The following SPATA18 variants were observed in gnomAD, a reference collection of about 807,000 sequenced individuals.
SPATA18 encodes the protein mitochondria-eating protein.
SPATA18 carries 54 observed loss-of-function variants against 68.1 expected under a neutral mutation model. The ratio of observed to expected loss-of-function variants is 0.79; its 90% CI spans 0.64 to 0.99. The LOEUF is 0.99. Among genes scored for constraint, SPATA18 ranks in the 50% least tolerant of loss-of-function variants. The pLI, the probability that SPATA18 is intolerant of heterozygous loss-of-function variation, is 0.00. For synonymous variants in SPATA18, 242 were observed against 244.8 expected (o/e 0.99, Z 0.11); for missense variants, 724 against 681.1 (o/e 1.06, Z -0.70).
chr4:52,062,112 C>T (rs1738909064), intron 3 of SPATA18, 108 bp from the exon 4 acceptor site: 5 of 652,086 alleles, frequency 7.7e-6, no homozygotes, highest in Non-Finnish European at 1.3e-5. Flanking sequence ...GTGCATGGAG[C>T]CGTGCATAAT....
At chr4:52,074,375 G>A (rs1358355776) in intron 6 of SPATA18, among the ~76,000 whole-genome samples, 2 of 152,178 alleles carry the variant, frequency 1.3e-5, no homozygotes, top group Non-Finnish European at 2.9e-5. Flanking sequence ...AAGGAAAGGG[G>A]CCTCATGACA....
chr4:52,078,174 G>A (rs1437511044), intron 7 of SPATA18, among the ~76,000 whole-genome samples: 3 of 150,962 alleles, frequency 2.0e-5, no homozygotes, highest in South Asian at 2.1e-4. Context: ...GTCTGGCTCC[G>A]TATTGAAAAA....
chr4:52,060,560 T>C lies in SPATA18; in HGVS notation c.193+36T>C, dbSNP rs776316460. On this transcript the variant is annotated intron_variant, in intron 2 of 12. Transcript: ENST00000295213. ...CCTGTAATTTCCCATCCAGTTCTGC[T>C]TGCCTTTCTCTCTTTTCTTGGTGCT... The C allele has an allele frequency of 1.0e-5, 16 of 1,586,476 alleles. No homozygotes were observed. The South Asian group carries it at 1.7e-4, about 17-fold the overall frequency.
intron 1 of SPATA18, among the ~76,000 whole-genome samples, chr4:52,054,610 A>G (rs867015614): frequency 6.6e-6 from 1 of 152,112 alleles, no homozygotes; most frequent in African/African-American, 2.4e-5. Flanking sequence ...ATGTATTACA[A>G]TTAGGCCCTA....
chr4:52,088,417 T>A (rs1741627390), intron 11 of SPATA18, among the ~76,000 whole-genome samples: 2 of 152,218 alleles, frequency 1.3e-5, no homozygotes, highest in South Asian at 4.1e-4. Flanking sequence ...GGATTTGTCA[T>A]AAATAGCTCT....
At chr4:52,070,413 A>G (rs1739704283) in intron 5 of SPATA18, among the ~76,000 whole-genome samples, 1 of 152,134 alleles carries the variant, frequency 6.6e-6, no homozygotes, top group African/African-American at 2.4e-5. Flanking sequence ...ATTTTTGTGG[A>G]AAAATATCAG....
At chr4:52,086,334 C>T (rs1266596982) in intron 11 of SPATA18, among the ~76,000 whole-genome samples, 5 of 152,134 alleles carry the variant, frequency 3.3e-5, no homozygotes, top group African/African-American at 1.2e-4. Flanking sequence ...TAGGTATACA[C>T]GTGCCCTGGT....
Position 52,060,372 on chromosome 4 carries a change from C to T in SPATA18, c.88-47C>T, listed in dbSNP as rs200396040. ...GGCCCTGGTCTGTCTGCAGTGGGTCCCAGAGTGAAGTAATTACCCTGGTTA... is the reference window on the plus strand; with the variant it reads ...GGCCCTGGTCTGTCTGCAGTGGGTCTCAGAGTGAAGTAATTACCCTGGTTA... On this transcript the variant is annotated intron_variant, in intron 1 of 12. Transcript: ENST00000295213. 5.4e-5 allele frequency: 83 copies of T among 1,533,812 alleles called. 2 individuals carry two copies. The Admixed American group carries it at 1.3e-3, about 24-fold the overall frequency.
chr4:52,060,471 T>A lies in SPATA18; in HGVS notation c.140T>A (p.Val47Asp). ...CATTGCCTTGAACTCATTGAGCAAG[T>A]TGCCAAGGTGCAGGGACAACTCTTT... ...LNHCLELIEQ[V>D]AKVQGQLFGI... Residue 47 changes from valine to aspartate, a missense_variant, in exon 2 of 13, where the codon GTT becomes GAT. By Grantham distance (152) the Val-to-Asp change is radical. Coordinates refer to ENST00000295213, the MANE Select transcript of SPATA18 (RefSeq NM_145263.4). 4 of 1,614,058 alleles carry A rather than the reference T, an allele frequency of 2.5e-6. No individual in the cohort carries two copies. Among genetic ancestry groups the A allele is most frequent in the Non-Finnish European group, 3.4e-6 (4 of 1,179,954 alleles).
At chr4:52,074,448 G>C (rs1333732037) in intron 6 of SPATA18, among the ~76,000 whole-genome samples, 1 of 151,364 alleles carries the variant, frequency 6.6e-6, no homozygotes, top group Non-Finnish European at 1.5e-5. Flanking sequence ...TTGGGTGAGT[G>C]GGGGGCGCAG....
chr4:52,083,355 G>A, intron 10 of SPATA18: 1 of 985,394 alleles, frequency 1.0e-6, no homozygotes, highest in Non-Finnish European at 1.2e-6. Context: ...ATACAGTGGA[G>A]AAGGGGAATA....
At chr4:52,058,992 A>G (rs771658794) in intron 1 of SPATA18, among the ~76,000 whole-genome samples, 1 of 152,200 alleles carries the variant, frequency 6.6e-6, no homozygotes, top group African/African-American at 2.4e-5. Context: ...GGCATATAGG[A>G]GAGATATAAT....
chr4:52,063,405 C>T (rs1739057575), intron 4 of SPATA18, among the ~76,000 whole-genome samples: 1 of 152,182 alleles, frequency 6.6e-6, no homozygotes, highest in South Asian at 2.1e-4. Flanking sequence ...TGTGCCTGCA[C>T]CTCCACACAT....
chr4:52,079,990 A>G (rs891724796), intron 9 of SPATA18, 71 bp downstream of exon 9: 15 of 1,516,294 alleles, frequency 9.9e-6, no homozygotes, highest in Middle Eastern at 1.8e-4. Context: ...CCTGAAAACA[A>G]TTTAAGGAAA....
rs756328168 is a variant in SPATA18, at chr4:52,082,364, CTTTT to C, written c.1356-19_1356-16del. ...CTCCATAATTGCTTAACTTCTCTTT[CTTTT>C]TTTGTATATTGAAAACAGATACCGC... On this transcript the variant is annotated intron_variant, in intron 9 of 12. Transcript: ENST00000295213. 15 of 1,607,160 alleles carry C rather than the reference CTTTT, an allele frequency of 9.3e-6. No homozygotes were observed. The highest frequency in any genetic ancestry group is 1.7e-4 in the Middle Eastern group (1 of 6,046).
chr4:52,078,694 C>T lies in SPATA18; in HGVS notation c.1021-41C>T, dbSNP rs775387046. 4.1e-6 allele frequency: 6 copies of T among 1,473,310 alleles called. No homozygotes were observed. The South Asian group carries it at 8.9e-5, about 22-fold the overall frequency. The allele number at this position is 1,473,310 out of a possible 1,614,324, so 91.3% of individuals were successfully genotyped here. ...TCCTTGTTTTGGATCTCTTCACCTA[C>T]CTCTTTTCACCAAATAAATTTGCTG... On this transcript the variant is annotated intron_variant, in intron 7 of 12. Coordinates refer to ENST00000295213, the MANE Select transcript of SPATA18 (RefSeq NM_145263.4).
At chr4:52,057,209 C>T (rs1738429631) in intron 1 of SPATA18, among the ~76,000 whole-genome samples, 1 of 151,586 alleles carries the variant, frequency 6.6e-6, no homozygotes, top group Non-Finnish European at 1.5e-5. Flanking sequence ...GCTTTGTTTC[C>T]TGAGCTTTGT....
intron 5 of SPATA18, among the ~76,000 whole-genome samples, chr4:52,071,217 C>T (rs896475019): frequency 6.6e-6 from 1 of 152,090 alleles, no homozygotes; most frequent in African/African-American, 2.4e-5. Context: ...TTAATCTTAC[C>T]TTTTCATTTT....
At chr4:52,060,944 A>T in intron 3 of SPATA18, 47 bp downstream of exon 3, 1 of 1,490,704 alleles carries the variant, frequency 6.7e-7, no homozygotes, top group Non-Finnish European at 9.3e-7. Context: ...CAGTGAGATA[A>T]AACGAATCAG....
Sources: gnomAD v4.1 joint callset for allele counts (sites outside exome capture counted in the v4.1 genomes callset) on GRCh38, gnomAD v4.1.1 for gene constraint, MANE v1.5 for transcripts, NCBI Gene and HGNC (gene_info 2026-07-23, HGNC 2026-07-21) for gene names.